NRG3: variants seen among roughly 807,000 people sequenced by gnomAD.
NRG3 encodes the protein neuregulin 3.
NRG3 carries 31 observed loss-of-function variants against 66.9 expected under a neutral mutation model. The observed-to-expected ratio is 0.46, with a 90% CI of 0.35 to 0.63. NRG3 has a LOEUF of 0.63. Ranked by LOEUF, NRG3 falls within the 20% of genes least tolerant of loss-of-function variation. The probability of loss-of-function intolerance (pLI) is 0.00; values close to 1 mark genes in which losing one functional copy is unlikely to be tolerated. For synonymous variants in NRG3, 393 were observed against 359.4 expected, an observed-to-expected ratio of 1.09 and a Z score of -1.06; for missense variants, 910 against 878.9, an observed-to-expected ratio of 1.04 and a Z score of -0.45.
At chr10:82,163,879 G>T (rs1487752875) in intron 1 of NRG3, among the ~76,000 whole-genome samples, 1 of 151,894 alleles carries the variant, frequency 6.6e-6, no homozygotes, top group Non-Finnish European at 1.5e-5. Context: ...TCAAGCAAGG[G>T]ACCTATATGA....
At chr10:81,953,402 T>C (rs1829294258) in intron 1 of NRG3, among the ~76,000 whole-genome samples, 1 of 152,156 alleles carries the variant, frequency 6.6e-6, no homozygotes. Flanking sequence ...TATAACTTGG[T>C]TCTCAGCAGG....
At chr10:82,907,835 G>T (rs1396948080) in intron 4 of NRG3, among the ~76,000 whole-genome samples, 1 of 152,152 alleles carries the variant, frequency 6.6e-6, no homozygotes, top group Non-Finnish European at 1.5e-5. Context: ...AAGTCTACAT[G>T]TGTAGAGCAA....
intron 2 of NRG3, among the ~76,000 whole-genome samples, chr10:82,491,312 A>ATG (rs1843115232): frequency 7.2e-6 from 1 of 139,346 alleles, no homozygotes. Flanking sequence ...ATATATATAT[A>ATG]TATAAAATAA....
chr10:82,348,402 C>G (rs1404954349), intron 1 of NRG3, among the ~76,000 whole-genome samples: 1 of 146,724 alleles, frequency 6.8e-6, no homozygotes, highest in Non-Finnish European at 1.5e-5. Context: ...GGCCCCCACT[C>G]TCTTCTGGCT....
chr10:82,128,406 G>A (rs963897348), intron 1 of NRG3, among the ~76,000 whole-genome samples: 2 of 151,962 alleles, frequency 1.3e-5, no homozygotes, highest in African/African-American at 4.8e-5. Flanking sequence ...AGCAGTTGCT[G>A]GAAAATGACA....
intron 2 of NRG3, among the ~76,000 whole-genome samples, chr10:82,704,922 G>T (rs973599013): frequency 3.3e-5 from 5 of 152,174 alleles, no homozygotes; most frequent in African/African-American, 1.2e-4. Flanking sequence ...ATTACATCAA[G>T]AAGGCAGGTT....
At chr10:82,275,105 C>T (rs1360505706) in intron 1 of NRG3, among the ~76,000 whole-genome samples, 1 of 151,960 alleles carries the variant, frequency 6.6e-6, no homozygotes, top group African/African-American at 2.4e-5. Context: ...TTTAAAGCTC[C>T]AATACAGCTT....
At chr10:82,031,096 C>T (rs530638452) in intron 1 of NRG3, among the ~76,000 whole-genome samples, 5 of 152,112 alleles carry the variant, frequency 3.3e-5, no homozygotes, top group Non-Finnish European at 5.9e-5. Context: ...ATTCATTATC[C>T]GTAAAACATT....
intron 1 of NRG3, among the ~76,000 whole-genome samples, chr10:82,121,920 G>A (rs976011187): frequency 6.6e-6 from 1 of 152,144 alleles, no homozygotes; most frequent in Non-Finnish European, 1.5e-5. Flanking sequence ...TTATAGGCAT[G>A]AGCCATCATG....
chr10:82,234,260 C>T (rs77481273), intron 1 of NRG3, among the ~76,000 whole-genome samples: 4 of 152,278 alleles, frequency 2.6e-5, no homozygotes, highest in East Asian at 1.9e-4. Flanking sequence ...GTTTCTGGAA[C>T]GTGTTCCTGG....
At chr10:82,571,096 A>T (rs2133114153) in intron 2 of NRG3, among the ~76,000 whole-genome samples, 1 of 151,634 alleles carries the variant, frequency 6.6e-6, no homozygotes, top group African/African-American at 2.4e-5. Flanking sequence ...TATTTTAGAA[A>T]ATCTATTAAT....
intron 3 of NRG3, among the ~76,000 whole-genome samples, chr10:82,790,095 T>G (rs1238772202): frequency 6.6e-6 from 1 of 152,130 alleles, no homozygotes; most frequent in Non-Finnish European, 1.5e-5. Flanking sequence ...TATTGCTTAA[T>G]GTAGCTGCCC....
chr10:82,816,522 C>G (rs61858457), intron 3 of NRG3, among the ~76,000 whole-genome samples: 1 of 152,188 alleles, frequency 6.6e-6, no homozygotes, highest in African/African-American at 2.4e-5. Context: ...GAAATGCATG[C>G]TGATTGGTCC....
chr10:82,346,914 C>A (rs1386798526), intron 1 of NRG3, among the ~76,000 whole-genome samples: 4 of 151,530 alleles, frequency 2.6e-5, no homozygotes, highest in Non-Finnish European at 5.9e-5. Context: ...TGGTGATATC[C>A]CCTTTATCAT....
chr10:81,900,102 A>G (rs1843895895), intron 1 of NRG3, among the ~76,000 whole-genome samples: 1 of 151,800 alleles, frequency 6.6e-6, no homozygotes, highest in Admixed American at 6.6e-5. Flanking sequence ...GCCTGCCACC[A>G]TGCCTGGCTA....
At chr10:82,500,792 T>C (rs961554822) in intron 2 of NRG3, among the ~76,000 whole-genome samples, 2 of 152,098 alleles carry the variant, frequency 1.3e-5, no homozygotes, top group African/African-American at 2.4e-5. Context: ...ATCTTTCCAG[T>C]TGAAAAATGA....
At chr10:81,951,886 T>C (rs1437642423) in intron 1 of NRG3, among the ~76,000 whole-genome samples, 1 of 152,140 alleles carries the variant, frequency 6.6e-6, no homozygotes, top group East Asian at 1.9e-4. Context: ...TGTCCAACAA[T>C]GATAGACTGG....
intron 2 of NRG3, among the ~76,000 whole-genome samples, chr10:82,461,034 C>T (rs1412814761): frequency 2.6e-5 from 4 of 151,686 alleles, no homozygotes; most frequent in Admixed American, 6.6e-5. Flanking sequence ...AACAATACCA[C>T]GACTGCTACC....
At chr10:82,257,274 A>G (rs936603368) in intron 1 of NRG3, among the ~76,000 whole-genome samples, 18 of 152,178 alleles carry the variant, frequency 1.2e-4, no homozygotes, top group East Asian at 3.9e-4. Flanking sequence ...GAGAATGGGG[A>G]AAAAAAACTT....
Sources: allele counts gnomAD v4.1 joint callset (sites outside exome capture counted in the v4.1 genomes callset), GRCh38; gene constraint gnomAD v4.1.1; transcripts MANE v1.5; gene names NCBI Gene and HGNC (gene_info 2026-07-23, HGNC 2026-07-21).